The following RECK variants were observed in gnomAD, a reference collection of about 807,000 sequenced individuals.
The protein encoded by RECK is reversion inducing cysteine rich protein with kazal motifs.
RECK carries 69 observed loss-of-function variants against 115.1 expected under a neutral mutation model. That is an observed-to-expected ratio of 0.60 (90% CI 0.49 to 0.73). The LOEUF (loss-of-function observed/expected upper bound fraction) is 0.73. Among genes scored for constraint, RECK ranks in the 30% least tolerant of loss-of-function variants. The pLI, the probability that RECK is intolerant of heterozygous loss-of-function variation, is 0.00. For synonymous variants in RECK, 414 were observed against 419.7 expected (o/e 0.99, Z 0.17); for missense variants, 1,047 against 1,203.7 (o/e 0.87, Z 1.93).
At chr9:36,062,539 G>A (rs1270569506) in intron 4 of RECK, among the ~76,000 whole-genome samples, 1 of 151,958 alleles carries the variant, frequency 6.6e-6, no homozygotes, top group Non-Finnish European at 1.5e-5. Context: ...GTGCAGTGGT[G>A]CAGTCTCGGC....
chr9:36,070,838 G>A (rs1032983450), intron 6 of RECK, among the ~76,000 whole-genome samples: 15 of 152,162 alleles, frequency 9.9e-5, no homozygotes, highest in Non-Finnish European at 1.0e-4. Context: ...ACCAGACCCT[G>A]GCCTGTAGGA....
intron 6 of RECK, among the ~76,000 whole-genome samples, chr9:36,078,391 G>A (rs1402894799): frequency 6.6e-6 from 1 of 152,230 alleles, no homozygotes; most frequent in Admixed American, 6.5e-5. Context: ...CATCCAGGTT[G>A]AACAAATGTA....
In RECK at chr9:36,121,569, C is replaced by T; in HGVS notation, c.2575C>T (p.Leu859Phe). ...NKKPITVLEI[L>F]QKIRMHVSVP... is the part of the protein sequence containing the mutation. ...AAAGCCAATAACAGTTCTGGAAATA[C>T]TTCAGAAAATCCGCATGCACGTGTC... Residue 859 changes from leucine (L) to phenylalanine (F), a missense_variant, in exon 20 of 21, where the codon CTT (leucine) becomes TTT (phenylalanine). Coordinates refer to ENST00000377966, the MANE Select transcript of RECK (RefSeq NM_021111.3). 6.2e-7 allele frequency: 1 copy of T among 1,614,074 alleles called. No homozygotes were observed. Among genetic ancestry groups the T allele is most frequent in the Non-Finnish European group, 8.5e-7 (1 of 1,179,930 alleles).
intron 5 of RECK, among the ~76,000 whole-genome samples, chr9:36,065,228 T>TAAAAAAAA (rs561725701): frequency 0.041 from 2,052 of 50,474 alleles, 234 homozygotes; most frequent in Middle Eastern, 0.083. Flanking sequence ...GGAATTCAGC[T>TAAAAAAAA]AAAAAAAAAA....
intron 1 of RECK, among the ~76,000 whole-genome samples, chr9:36,040,805 C>T (rs1820839252): frequency 7.0e-6 from 1 of 143,474 alleles, no homozygotes; most frequent in African/African-American, 2.9e-5. Flanking sequence ...TTAAGGATTA[C>T]TCATAGGTTT....
At chr9:36,100,654 C>A (rs1164684442) in intron 11 of RECK, 111 bp downstream of exon 11, 61 of 744,780 alleles carry the variant, frequency 8.2e-5, no homozygotes, top group Non-Finnish European at 2.8e-5. Context: ...TTGCCTATCA[C>A]CCCCGTATGT....
chr9:36,109,885 A>C, intron 14 of RECK, 72 bp from the exon 15 acceptor site: 1 of 1,385,484 alleles, frequency 7.2e-7, no homozygotes, highest in Non-Finnish European at 1.0e-6. Flanking sequence ...TTGTTGAACT[A>C]TTAAAATTGT....
Position 36,123,165 on chromosome 9 carries a change from G to T in RECK, c.*120G>T. On this transcript the variant is annotated 3_prime_UTR_variant, in exon 21 of 21. Transcript: ENST00000377966. ...GGAAAGGCACATGTCACCTCTATTC[G>T]CCACACAGTATTTTTTTTTTTAATC... The T allele has an allele frequency of 2.9e-6, 2 of 681,982 alleles. No homozygotes were observed. The highest frequency in any genetic ancestry group is 2.3e-5 in the South Asian group (1 of 43,660). The allele number at this position is 681,982 out of a possible 1,614,324, so 42.2% of individuals were successfully genotyped here.
Position 36,070,865 on chromosome 9 carries a change from A to G in RECK, c.405+5241A>G, listed in dbSNP as rs1462824994. ...CCTGTAGGAGCTATCCAAATCAACC[A>G]TTAGCTTGATAACTCCTTTATGGGC... On this transcript the variant is annotated intron_variant, in intron 6 of 20. Transcript: ENST00000377966. Among the ~76,000 whole-genome samples the G allele has an allele frequency of 3.9e-5, 6 of 152,352 alleles. 2 individuals are homozygous for G. In the Middle Eastern group the frequency reaches 0.014, roughly 345 times the overall value.
chr9:36,099,530 A>T (rs932461510), intron 10 of RECK, among the ~76,000 whole-genome samples: 2 of 152,128 alleles, frequency 1.3e-5, no homozygotes, highest in African/African-American at 4.8e-5. Context: ...AATTTTTTTC[A>T]ACATGGGGTA....
In RECK at chr9:36,098,980, C is replaced by T. The variant is rs183671745; in HGVS notation, c.1086-1351C>T. Among the ~76,000 whole-genome samples the T allele has an allele frequency of 8.5e-4, 130 of 152,278 alleles. 2 individuals are homozygous for T. The highest frequency in any genetic ancestry group is 2.8e-3 in the African/African-American group (117 of 41,560). On this transcript the variant is annotated intron_variant, in intron 10 of 20. Coordinates refer to ENST00000377966, the MANE Select transcript of RECK (RefSeq NM_021111.3). ...ATGGCTCACACCTATAATCCCAACA[C>T]TTTGAGAGGCCAAGGTGAGCAGATC...
At chr9:36,122,733 GCTA>G in intron 20 of RECK, 88 bp from the exon 21 acceptor site, 1 of 980,696 alleles carries the variant, frequency 1.0e-6, no homozygotes, top group Non-Finnish European at 1.6e-6. Flanking sequence ...CTGAGGCCAC[GCTA>G]CTTTTAGGAT....
intron 17 of RECK, 97 bp downstream of exon 17, chr9:36,117,274 T>TA: frequency 2.1e-6 from 2 of 964,240 alleles, no homozygotes; most frequent in Non-Finnish European, 3.0e-6. Context: ...CCGAGGGTCT[T>TA]CTGTGAATCC....
At position 36,043,191 on chromosome 9, in the gene RECK, A is replaced by AATT. The variant is rs1820949082; in HGVS notation, c.100+6093_100+6094insATT. Among the ~76,000 whole-genome samples the AATT allele has an allele frequency of 9.3e-5, 5 of 53,988 alleles. 1 individual carries two copies. Among genetic ancestry groups the AATT allele is most frequent in the African/African-American group, 4.1e-4 (5 of 12,212 alleles). The allele number at this position is 53,988 out of a possible 152,430, so 35.4% of individuals were successfully genotyped here. A position where few individuals can be genotyped will look rare whatever the true frequency, so the allele number is the denominator to read the frequency against. On this transcript the variant is annotated intron_variant, in intron 1 of 20. Coordinates refer to ENST00000377966, the MANE Select transcript of RECK (RefSeq NM_021111.3). ...AGGCGCCTGCCACCACGCCTGGCTAATTTTTTTTTTTTTTTTTTTTTTTTG... is the reference window on the plus strand; with the variant it reads ...AGGCGCCTGCCACCACGCCTGGCTAAATTTTTTTTTTTTTTTTTTTTTTTTTTG...
intron 10 of RECK, among the ~76,000 whole-genome samples, chr9:36,095,055 A>G (rs1823286666): frequency 6.6e-6 from 1 of 152,316 alleles, no homozygotes. Context: ...ATATTTGGTA[A>G]TTAAACAAAC....
At chr9:36,061,340 G>GC (rs1354692914) in intron 4 of RECK, among the ~76,000 whole-genome samples, 1 of 148,916 alleles carries the variant, frequency 6.7e-6, no homozygotes, top group African/African-American at 2.5e-5. Context: ...CCACCTCCTT[G>GC]CCTGTCTCCT....
chr9:36,104,154 G>A (rs2132654982), intron 12 of RECK, among the ~76,000 whole-genome samples: 1 of 150,496 alleles, frequency 6.6e-6, no homozygotes, highest in South Asian at 2.1e-4. Context: ...ATCCTTCTTA[G>A]ACATCTTATT....
chr9:36,038,559 T>C (rs1046676924), intron 1 of RECK, among the ~76,000 whole-genome samples: 7 of 152,220 alleles, frequency 4.6e-5, no homozygotes, highest in Non-Finnish European at 7.3e-5. Flanking sequence ...GTTAAGAACA[T>C]TGAGCAAATT....
chr9:36,057,998 AAAC>A (rs1323242966), intron 2 of RECK, among the ~76,000 whole-genome samples: 58 of 151,176 alleles, frequency 3.8e-4, no homozygotes, highest in Admixed American at 9.9e-4. Context: ...AAAAGTCAGG[AAAC>A]AACAGGTGCT....
Sources: allele counts gnomAD v4.1 joint callset (sites outside exome capture counted in the v4.1 genomes callset), GRCh38; gene constraint gnomAD v4.1.1; transcripts MANE v1.5; gene names NCBI Gene and HGNC (gene_info 2026-07-23, HGNC 2026-07-21).